The following AZIN2 variants were observed in gnomAD, a reference collection of about 807,000 sequenced individuals.
AZIN2 encodes antizyme inhibitor 2, also known as ODC antizyme inhibitor-2.
In AZIN2, 28 loss-of-function variants were observed where a neutral mutation model predicts 47.8. That is an observed-to-expected ratio of 0.59 (90% confidence interval 0.43 to 0.80). The LOEUF (loss-of-function observed/expected upper bound fraction) is 0.80. Among genes scored for constraint, AZIN2 ranks in the 30% least tolerant of loss-of-function variants. The probability of loss-of-function intolerance (pLI) is 0.00; values close to 1 mark genes in which losing one functional copy is unlikely to be tolerated. For synonymous variants in AZIN2, 221 were observed against 239.4 expected, an observed-to-expected ratio of 0.92 and a Z score of 0.71; for missense variants, 535 against 582.5, an observed-to-expected ratio of 0.92 and a Z score of 0.84.
chr1:33,139,666 A>G, the AZIN2 span, among the ~76,000 whole-genome samples: 1 of 152,216 alleles, frequency 6.6e-6, no homozygotes, highest in Non-Finnish European at 1.5e-5. Flanking sequence ...CTAACATTAT[A>G]TGCATAGGTT....
At chr1:33,146,029 T>A in the AZIN2 span, 1 of 406,304 alleles carries the variant, frequency 2.5e-6, no homozygotes, top group Non-Finnish European at 5.1e-6. Context: ...AGAGGGAGCC[T>A]AGTTCTGCAG....
chr1:33,083,629 A>G, intron 4 of AZIN2: 1 of 388,486 alleles, frequency 2.6e-6, no homozygotes, highest in Non-Finnish European at 4.9e-6. Flanking sequence ...GTGAAACTTT[A>G]AGGATTTTGC....
At chr1:33,134,959 CA>C in the AZIN2 span, among the ~76,000 whole-genome samples, 3 of 152,180 alleles carry the variant, frequency 2.0e-5, no homozygotes, top group African/African-American at 7.2e-5. Flanking sequence ...TGTTTCACTC[CA>C]CATAAATATG....
At chr1:33,152,431 G>C in the AZIN2 span, among the ~76,000 whole-genome samples, 1 of 152,202 alleles carries the variant, frequency 6.6e-6, no homozygotes, top group Non-Finnish European at 1.5e-5. Context: ...GCGGCGCATG[G>C]TGGCACATGC....
Position 33,082,341 on chromosome 1 carries a change from C to T in AZIN2, c.92C>T (p.Ser31Leu). ...CTGAAGGAACTCACTCTGGGGGCCT[C>T]ACAGGCCACCACGGTGAGGGGCTGG... ...DLLKELTLGA[S>L]QATTDEVAAF... Residue 31 changes from serine to leucine, a missense_variant, in exon 4 of 12, where the codon TCA becomes TTA. Ser to Leu is a moderately radical substitution (Grantham distance 145, BLOSUM62 -2). This residue lies in a region of AZIN2 where 409 missense variants were observed against 429.0 expected (regional missense o/e 0.95). Coordinates refer to ENST00000294517, the MANE Select transcript of AZIN2 (RefSeq NM_052998.4). The T allele has an allele frequency of 6.2e-7, 1 of 1,613,358 alleles. No homozygotes were observed. Among genetic ancestry groups the T allele is most frequent in the Non-Finnish European group, 8.5e-7 (1 of 1,179,626 alleles).
In AZIN2 at chr1:33,120,278, A is replaced by ACTCT. The variant is rs1570243137; in HGVS notation, c.*97_*100dup. On this transcript the variant is annotated 3_prime_UTR_variant, in exon 12 of 12. Transcript: ENST00000294517. ...GCAGGCAAGGGTACCCTTGGCCAGGACTCTGGTGCCCACCCTGCCACCCCC... is the reference window on the plus strand; with the variant it reads ...GCAGGCAAGGGTACCCTTGGCCAGGACTCTCTCTGGTGCCCACCCTGCCACCCCC... 2.0e-6 allele frequency: 3 copies of ACTCT among 1,506,038 alleles called. No homozygotes were observed. The East Asian group carries it at 6.9e-5, about 35-fold the overall frequency. 93.3% of individuals were successfully genotyped at this position (1,506,038 alleles called of 1,614,324 possible). A position where few individuals can be genotyped will look rare whatever the true frequency, so the allele number is the denominator to read the frequency against.
In AZIN2 at chr1:33,084,141, G is replaced by A. The variant is rs773353423; in HGVS notation, c.279+14G>A. ...TGTGCCAACAAGGTGAGCCCTGCCC[G>A]CACGGTGCACTGACCCTCCATGCCC... On this transcript the variant is annotated intron_variant, in intron 5 of 11. Transcript: ENST00000294517. The A allele has an allele frequency of 4.4e-5, 71 of 1,605,580 alleles. No homozygotes were observed. Among genetic ancestry groups the A allele is most frequent in the Admixed American group, 2.8e-4 (17 of 59,978 alleles).
intron 10 of AZIN2, among the ~76,000 whole-genome samples, chr1:33,103,819 A>G (rs1461952328): frequency 1.3e-5 from 2 of 152,082 alleles, no homozygotes; most frequent in South Asian, 4.1e-4. Flanking sequence ...ACATCTGTTC[A>G]TATCTGTTTC....
At chr1:33,123,961 A>G, downstream of AZIN2, among the ~76,000 whole-genome samples, 1 of 151,720 alleles carries the variant, frequency 6.6e-6, no homozygotes, top group East Asian at 1.9e-4. Context: ...ACACCACTAC[A>G]CTCCAGCCCG....
At chr1:33,164,532 G>C in the AZIN2 span, 1 of 152,402 alleles carries the variant, frequency 6.6e-6, no homozygotes, top group African/African-American at 2.4e-5. Context: ...AAGTCACACA[G>C]TGAGTTAGTG....
At chr1:33,129,593 C>T in the AZIN2 span, among the ~76,000 whole-genome samples, 5 of 152,198 alleles carry the variant, frequency 3.3e-5, no homozygotes, top group Non-Finnish European at 7.3e-5. This position sits in a 1 kb window ranked among gnomAD's most constrained non-coding sequence, Gnocchi z 4.1. Context: ...CCACAATCTG[C>T]TAAATATGTA....
chr1:33,096,600 C>T (rs376544509), intron 8 of AZIN2, 107 bp from the exon 9 acceptor site: 58 of 1,414,496 alleles, frequency 4.1e-5, no homozygotes, highest in South Asian at 3.4e-4. Context: ...ATCCTTCTTC[C>T]GGAAATCAAA....
the AZIN2 span, among the ~76,000 whole-genome samples, chr1:33,152,372 C>T: frequency 1.3e-5 from 2 of 152,142 alleles, no homozygotes; most frequent in Non-Finnish European, 2.9e-5. Flanking sequence ...TCGAGATCAG[C>T]CTGGCCAACA....
rs1642328045 is a variant in AZIN2, at chr1:33,089,770, A to G, written c.280-2280A>G. On this transcript the variant is annotated intron_variant, in intron 5 of 11. Coordinates refer to ENST00000294517, the MANE Select transcript of AZIN2 (RefSeq NM_052998.4). The stretch of plus-strand genomic sequence containing the variant: ...ATTTCATAGCATAGTCATTGGGATT[A>G]AATGAAATAATGCTTATAAATATCT... 2.0e-5 allele frequency among the ~76,000 whole-genome samples: 3 copies of G among 152,264 alleles called. No individual in the cohort carries two copies. The South Asian group carries it at 6.2e-4, about 31-fold the overall frequency.
the AZIN2 span, among the ~76,000 whole-genome samples, chr1:33,136,118 C>CCTTCCTTG: frequency 4.5e-3 from 149 of 33,082 alleles, 1 homozygote; most frequent in African/African-American, 0.013. Flanking sequence ...GCCAGCCCTT[C>CCTTCCTTG]CTTCCTTCCT....
the AZIN2 span, among the ~76,000 whole-genome samples, chr1:33,132,018 C>T: frequency 1.4e-3 from 213 of 152,266 alleles, no homozygotes; most frequent in Non-Finnish European, 2.5e-3. Context: ...GAGGGGCCTT[C>T]GCAGCAGAGC....
In AZIN2 at chr1:33,120,398, G is replaced by A; in HGVS notation, c.*216G>A. On this transcript the variant is annotated 3_prime_UTR_variant, in exon 12 of 12. Coordinates refer to ENST00000294517, the MANE Select transcript of AZIN2 (RefSeq NM_052998.4). ...AACATAAATCCTGTTCCTTCCAGCT[G>A]TGTCTGCCTCCTCTGCAGTGCAAGG... 1.5e-6 allele frequency: 1 copy of A among 670,276 alleles called. No individual in the cohort carries two copies. Among genetic ancestry groups the A allele is most frequent in the Non-Finnish European group, 2.4e-6 (1 of 420,622 alleles). 41.5% of individuals were successfully genotyped at this position (670,276 alleles called of 1,614,324 possible).
At chr1:33,147,615 C>A in the AZIN2 span, 27 of 1,613,976 alleles carry the variant, frequency 1.7e-5, no homozygotes. The surrounding 1 kb of genome is among the most constrained non-coding windows in gnomAD (Gnocchi z 8.1). Flanking sequence ...AGCGCTTTGG[C>A]GAGTCCTGCA....
intron 9 of AZIN2, among the ~76,000 whole-genome samples, chr1:33,097,696 G>A (rs1159521721): frequency 2.0e-5 from 3 of 152,188 alleles, no homozygotes; most frequent in Non-Finnish European, 4.4e-5. Flanking sequence ...ATCCAATCAA[G>A]AGACCTGGCT....
Sources: allele counts gnomAD v4.1 joint callset (sites outside exome capture counted in the v4.1 genomes callset), GRCh38; gene constraint gnomAD v4.1.1; regional missense constraint gnomAD v4.1.1; non-coding constraint Gnocchi (gnomAD v3.1); transcripts MANE v1.5; gene names NCBI Gene and HGNC (gene_info 2026-07-23, HGNC 2026-07-21).